Variants in ADAMTS6 observed in about 807,000 individuals in gnomAD.
The protein encoded by ADAMTS6 is A disintegrin and metalloproteinase with thrombospondin motifs 6.
ADAMTS6 carries 23 observed loss-of-function variants against 144.3 expected under a neutral mutation model. That is an observed-to-expected ratio of 0.16 (90% CI 0.11 to 0.23). ADAMTS6 has a LOEUF of 0.23. Among genes scored for constraint, ADAMTS6 ranks in the 10% least tolerant of loss-of-function variants. The pLI is 1.00. For missense variants in ADAMTS6, 999 were observed against 1,379.6 expected (o/e 0.72, Z 4.37); for synonymous variants, 444 against 457.5 (o/e 0.97, Z 0.38).
chr5:65,398,147 T>C (rs527857531), intron 7 of ADAMTS6, among the ~76,000 whole-genome samples: 256 of 152,318 alleles, frequency 1.7e-3, no homozygotes, highest in African/African-American at 5.5e-3. Flanking sequence ...ATCCAGCTGA[T>C]TGACGGTGTT....
intron 7 of ADAMTS6, among the ~76,000 whole-genome samples, chr5:65,357,755 T>TA (rs1749460212): frequency 6.6e-6 from 1 of 151,846 alleles, no homozygotes; most frequent in Non-Finnish European, 1.5e-5. Flanking sequence ...GACAAATTCT[T>TA]AGAGATACAT....
At chr5:65,423,406 G>T (rs1386076125) in intron 7 of ADAMTS6, among the ~76,000 whole-genome samples, 2 of 152,124 alleles carry the variant, frequency 1.3e-5, no homozygotes, top group African/African-American at 4.8e-5. Context: ...ATAAAGTTCA[G>T]CTTAGGTTCC....
chr5:65,356,568 T>C (rs1749346107), intron 7 of ADAMTS6, among the ~76,000 whole-genome samples: 1 of 151,944 alleles, frequency 6.6e-6, no homozygotes, highest in African/African-American at 2.4e-5. Context: ...GCCATGCTTT[T>C]CAGTTCTTTT....
intron 24 of ADAMTS6, among the ~76,000 whole-genome samples, chr5:65,155,478 T>C (rs1415024377): frequency 6.6e-6 from 1 of 152,128 alleles, no homozygotes; most frequent in Non-Finnish European, 1.5e-5. Flanking sequence ...AACACAGTGG[T>C]AAGTATTTGT....
At chr5:65,340,311 TCA>T (rs1261602892) in intron 7 of ADAMTS6, among the ~76,000 whole-genome samples, 1 of 152,108 alleles carries the variant, frequency 6.6e-6, no homozygotes, top group Non-Finnish European at 1.5e-5. Flanking sequence ...ATATATTATT[TCA>T]CAGACAAGCA....
chr5:65,398,777 A>C (rs1284403123), intron 7 of ADAMTS6, among the ~76,000 whole-genome samples: 1 of 116,482 alleles, frequency 8.6e-6, no homozygotes, highest in African/African-American at 3.3e-5. Flanking sequence ...GAAAGAAGAG[A>C]GAGCAAGAAA....
chr5:65,471,512 T>A (rs1291577262), intron 2 of ADAMTS6, among the ~76,000 whole-genome samples: 1 of 152,034 alleles, frequency 6.6e-6, no homozygotes, highest in Non-Finnish European at 1.5e-5. Flanking sequence ...TTTTTGAAAG[T>A]TATCCAAAAA....
intron 12 of ADAMTS6, among the ~76,000 whole-genome samples, chr5:65,269,222 C>T (rs903110434): frequency 6.6e-6 from 1 of 152,158 alleles, no homozygotes; most frequent in Non-Finnish European, 1.5e-5. Flanking sequence ...TCTGAGGAGG[C>T]CCGCAAAAAG....
At chr5:65,471,203 C>T (rs1760406184) in intron 2 of ADAMTS6, 61 bp from the exon 3 acceptor site, 14 of 1,510,032 alleles carry the variant, frequency 9.3e-6, no homozygotes, top group Middle Eastern at 1.7e-4. Context: ...GAAAATTTAA[C>T]GGAACAAAGA....
At chr5:65,192,601 T>C (rs970579532) in intron 21 of ADAMTS6, among the ~76,000 whole-genome samples, 11 of 151,858 alleles carry the variant, frequency 7.2e-5, no homozygotes, top group African/African-American at 2.7e-4. Flanking sequence ...TTTTTTCTTA[T>C]GGTTGGGGAT....
intron 7 of ADAMTS6, among the ~76,000 whole-genome samples, chr5:65,403,206 T>C (rs576152803): frequency 1.3e-5 from 2 of 152,164 alleles, no homozygotes; most frequent in African/African-American, 4.8e-5. Flanking sequence ...TCTAACTAGC[T>C]GCTTTTTCTG....
chr5:65,305,977 C>T (rs554878184), intron 9 of ADAMTS6, among the ~76,000 whole-genome samples: 1 of 152,292 alleles, frequency 6.6e-6, no homozygotes, highest in Non-Finnish European at 1.5e-5. Context: ...TAACATCTCT[C>T]CTCTTGGACA....
chr5:65,305,070 A>G (rs1734592682), intron 9 of ADAMTS6, among the ~76,000 whole-genome samples: 1 of 152,090 alleles, frequency 6.6e-6, no homozygotes. Flanking sequence ...GTTCTTAGGA[A>G]ATACATGCTG....
chr5:65,151,944 C>T lies in ADAMTS6; in HGVS notation c.3246G>A (p.Glu1082=). ...CDSTPISNTE[E]CKDVNKVAYC... ...AAGCCACTTTATTCACATCTTTGCA[C>T]TCTAACGAATGGGGGCAGAAAATGG... Residue 1082 remains glutamate, a splice_region_variant and synonymous_variant, in exon 25 of 25, where the codon GAG becomes GAA. Coordinates refer to ENST00000381055, the MANE Select transcript of ADAMTS6 (RefSeq NM_197941.4). 2 of 1,611,228 alleles carry T rather than the reference C, an allele frequency of 1.2e-6. No individual in the cohort carries two copies. Among genetic ancestry groups the T allele is most frequent in the Non-Finnish European group, 1.7e-6 (2 of 1,177,720 alleles).
intron 2 of ADAMTS6, among the ~76,000 whole-genome samples, chr5:65,471,757 C>CA (rs541219246): frequency 0.051 from 6,838 of 133,522 alleles, 190 homozygotes; most frequent in Non-Finnish European, 0.074. Context: ...GACTCCGTCT[C>CA]AAAAAAAAAA....
chr5:65,405,323 T>C (rs1202683063), intron 7 of ADAMTS6, among the ~76,000 whole-genome samples: 2 of 152,204 alleles, frequency 1.3e-5, no homozygotes, highest in African/African-American at 4.8e-5. Flanking sequence ...AATTTTTATA[T>C]AAGGTGTAAG....
intron 7 of ADAMTS6, among the ~76,000 whole-genome samples, chr5:65,447,704 T>C (rs2150242869): frequency 6.6e-6 from 1 of 152,106 alleles, no homozygotes; most frequent in Admixed American, 6.5e-5. Context: ...TGAATATTAA[T>C]AATCATCAAA....
intron 7 of ADAMTS6, among the ~76,000 whole-genome samples, chr5:65,372,125 C>T (rs1561474576): frequency 6.7e-6 from 1 of 149,300 alleles, no homozygotes; most frequent in Non-Finnish European, 1.5e-5. Context: ...GAAGGAAGCG[C>T]TAAACATGGA....
chr5:65,456,384 A>G (rs1759204884), intron 4 of ADAMTS6, among the ~76,000 whole-genome samples: 1 of 152,198 alleles, frequency 6.6e-6, no homozygotes, highest in Non-Finnish European at 1.5e-5. Context: ...AAATCAATAT[A>G]TGGATTTCAT....
Sources: gnomAD v4.1 joint callset for allele counts (sites outside exome capture counted in the v4.1 genomes callset) on GRCh38, gnomAD v4.1.1 for gene constraint, MANE v1.5 for transcripts, NCBI Gene and HGNC (gene_info 2026-07-23, HGNC 2026-07-21) for gene names.